EPHA5: variants seen among roughly 807,000 people sequenced by gnomAD.
EPHA5 encodes ephrin type-A receptor 5.
Under a neutral mutation model 105.0 loss-of-function variants are expected in EPHA5, and 60 were observed. The ratio of observed to expected loss-of-function variants is 0.57; its 90% CI spans 0.46 to 0.71. The LOEUF (loss-of-function observed/expected upper bound fraction) is 0.71. Ranked by LOEUF, EPHA5 falls within the 30% of genes least tolerant of loss-of-function variation. EPHA5 has a pLI of 0.00. For synonymous variants in EPHA5, 513 were observed against 449.1 expected, an observed-to-expected ratio of 1.14 and a Z score of -1.80; for missense variants, 1,218 against 1,274.7, an observed-to-expected ratio of 0.96 and a Z score of 0.68.
intron 5 of EPHA5, among the ~76,000 whole-genome samples, chr4:65,470,901 C>G (rs927460056): frequency 7.9e-5 from 12 of 152,152 alleles, no homozygotes; most frequent in African/African-American, 2.7e-4. Flanking sequence ...TATTGAAACC[C>G]TAAATTAGGA....
intron 6 of EPHA5, among the ~76,000 whole-genome samples, chr4:65,419,787 A>C (rs1312728203): frequency 6.6e-6 from 1 of 152,156 alleles, no homozygotes; most frequent in African/African-American, 2.4e-5. Context: ...TTTCATCAAT[A>C]GCTCACTTGC....
intron 1 of EPHA5, among the ~76,000 whole-genome samples, chr4:65,648,025 C>G (rs1204708520): frequency 6.6e-6 from 1 of 152,152 alleles, no homozygotes; most frequent in African/African-American, 2.4e-5. Context: ...TGTATTACTA[C>G]ACATTAACAA....
At chr4:65,442,186 G>A (rs1171745337) in intron 5 of EPHA5, among the ~76,000 whole-genome samples, 1 of 152,060 alleles carries the variant, frequency 6.6e-6, no homozygotes, top group Non-Finnish European at 1.5e-5. Flanking sequence ...CAATGCAATG[G>A]AATTTAAAAC....
chr4:65,487,456 G>T (rs982132892), intron 5 of EPHA5, among the ~76,000 whole-genome samples: 15 of 152,136 alleles, frequency 9.9e-5, no homozygotes, highest in Non-Finnish European at 1.9e-4. Context: ...TGGCTCAGGG[G>T]TCATGCAGCC....
chr4:65,460,210 G>T (rs1053273149), intron 5 of EPHA5, among the ~76,000 whole-genome samples: 2 of 151,174 alleles, frequency 1.3e-5, no homozygotes, highest in Non-Finnish European at 3.0e-5. Flanking sequence ...TATATATAGG[G>T]AACAGAATTA....
chr4:65,446,011 G>C (rs961608474), intron 5 of EPHA5, among the ~76,000 whole-genome samples: 2 of 152,068 alleles, frequency 1.3e-5, no homozygotes, highest in Non-Finnish European at 2.9e-5. Flanking sequence ...ATCCTAACTG[G>C]TGTTCTTTCT....
At chr4:65,473,142 C>A (rs1020739378) in intron 5 of EPHA5, among the ~76,000 whole-genome samples, 1 of 152,148 alleles carries the variant, frequency 6.6e-6, no homozygotes, top group Non-Finnish European at 1.5e-5. Context: ...TCTGTGACCA[C>A]CTCATACTGG....
intron 3 of EPHA5, among the ~76,000 whole-genome samples, chr4:65,585,555 C>T (rs1354092915): frequency 1.3e-5 from 2 of 151,692 alleles, no homozygotes; most frequent in Non-Finnish European, 2.9e-5. Flanking sequence ...AGTAGAAAAG[C>T]TGAAATGGCA....
intron 8 of EPHA5, among the ~76,000 whole-genome samples, chr4:65,380,741 G>A (rs1719478242): frequency 1.3e-5 from 2 of 151,746 alleles, no homozygotes; most frequent in Non-Finnish European, 2.9e-5. Context: ...AACAACAAAC[G>A]ATGATATTCA....
At chr4:65,361,271 G>C (rs1717286123) in intron 11 of EPHA5, among the ~76,000 whole-genome samples, 1 of 151,622 alleles carries the variant, frequency 6.6e-6, no homozygotes. Flanking sequence ...GGTCACATTT[G>C]AATTAAACCT....
At chr4:65,557,824 A>G (rs759051844) in intron 3 of EPHA5, among the ~76,000 whole-genome samples, 1 of 152,142 alleles carries the variant, frequency 6.6e-6, no homozygotes, top group African/African-American at 2.4e-5. Context: ...AACAATAGCA[A>G]TGTTCCCAAC....
At chr4:65,487,940 G>T (rs1731039765) in intron 5 of EPHA5, among the ~76,000 whole-genome samples, 1 of 152,162 alleles carries the variant, frequency 6.6e-6, no homozygotes, top group South Asian at 2.1e-4. Context: ...TAATTTTTGT[G>T]TAAAATAAGA....
At chr4:65,560,983 C>A (rs1436751096) in intron 3 of EPHA5, among the ~76,000 whole-genome samples, 1 of 151,894 alleles carries the variant, frequency 6.6e-6, no homozygotes, top group Non-Finnish European at 1.5e-5. Context: ...TTCATAAACT[C>A]TTGTCTAGAA....
chr4:65,662,819 A>G (rs1057065312), intron 1 of EPHA5, among the ~76,000 whole-genome samples: 1 of 152,010 alleles, frequency 6.6e-6, no homozygotes, highest in Non-Finnish European at 1.5e-5. Context: ...CCCTCTCCCT[A>G]CCCTTTCTTC....
chr4:65,362,857 A>G (rs1717463186), intron 11 of EPHA5, among the ~76,000 whole-genome samples: 1 of 151,746 alleles, frequency 6.6e-6, no homozygotes, highest in African/African-American at 2.4e-5. Context: ...TTCAAGGAAC[A>G]TACATTTTTT....
At chr4:65,416,358 A>G (rs1723381905) in intron 6 of EPHA5, among the ~76,000 whole-genome samples, 1 of 152,108 alleles carries the variant, frequency 6.6e-6, no homozygotes, top group African/African-American at 2.4e-5. Context: ...AAAATTATTT[A>G]CCAAGAATAT....
intron 5 of EPHA5, among the ~76,000 whole-genome samples, chr4:65,428,826 C>T (rs1724703263): frequency 6.6e-6 from 1 of 151,872 alleles, no homozygotes; most frequent in African/African-American, 2.4e-5. Flanking sequence ...GTTTTGAAGT[C>T]ACATTCACAG....
At chr4:65,598,566 ATAAT>A (rs1743401560) in intron 3 of EPHA5, among the ~76,000 whole-genome samples, 1 of 152,150 alleles carries the variant, frequency 6.6e-6, no homozygotes, top group Non-Finnish European at 1.5e-5. Flanking sequence ...AGTAGAAAAA[ATAAT>A]TAAACAGATA....
chr4:65,420,872 T>C (rs1230041647), intron 5 of EPHA5, among the ~76,000 whole-genome samples: 1 of 152,074 alleles, frequency 6.6e-6, no homozygotes. Context: ...TTATTTTATG[T>C]ATCTTCTACA....
Sources: gnomAD v4.1 joint callset for allele counts (sites outside exome capture counted in the v4.1 genomes callset) on GRCh38, gnomAD v4.1.1 for gene constraint, MANE v1.5 for transcripts, NCBI Gene and HGNC (gene_info 2026-07-23, HGNC 2026-07-21) for gene names.